GRM7: variants seen among roughly 807,000 people sequenced by gnomAD.
GRM7 encodes glutamate metabotropic receptor 7.
A neutral mutation model predicts 84.5 loss-of-function variants in GRM7; 35 were observed. That is an observed-to-expected ratio of 0.41 (90% CI 0.32 to 0.55). The LOEUF (loss-of-function observed/expected upper bound fraction) is 0.55, where lower values mean the gene tolerates loss of function less well. Among genes scored for constraint, GRM7 ranks in the 20% least tolerant of loss-of-function variants. GRM7 has a pLI of 0.19. For missense variants in GRM7, 1,003 were observed against 1,194.6 expected (o/e 0.84, Z 2.36); for synonymous variants, 487 against 455.1 (o/e 1.07, Z -0.89).
chr3:7,518,283 A>T (rs1227716113), intron 7 of GRM7, among the ~76,000 whole-genome samples: 1 of 152,210 alleles, frequency 6.6e-6, no homozygotes, highest in African/African-American at 2.4e-5. Context: ...TGATAATGGA[A>T]GTTCTGCAAA....
intron 5 of GRM7, among the ~76,000 whole-genome samples, chr3:7,434,451 A>G (rs1189009543): frequency 1.3e-5 from 2 of 152,204 alleles, no homozygotes; most frequent in African/African-American, 2.4e-5. Context: ...CTTTCTGTAT[A>G]ATGTTGAAGG....
Position 6,971,884 on chromosome 3 carries a change from A to G in GRM7, c.519+109977A>G, listed in dbSNP as rs1369633396. On this transcript the variant is annotated intron_variant, in intron 1 of 9. Transcript: ENST00000357716. ...TGGTTGTTTTATTAAAACTAAAAGTAAAGCTTAGAAATAAATATGACTTTT... is the reference window on the plus strand; with the variant it reads ...TGGTTGTTTTATTAAAACTAAAAGTGAAGCTTAGAAATAAATATGACTTTT... 4.6e-5 allele frequency among the ~76,000 whole-genome samples: 7 copies of G among 152,352 alleles called. No homozygotes were observed. In the East Asian group the frequency reaches 9.6e-4, roughly 21 times the overall value.
intron 7 of GRM7, among the ~76,000 whole-genome samples, chr3:7,499,906 C>G (rs1699829377): frequency 6.6e-6 from 1 of 152,064 alleles, no homozygotes; most frequent in Admixed American, 6.6e-5. Context: ...TCCCAAATAG[C>G]TGGGACTACA....
Position 7,465,556 on chromosome 3 carries a change from C to T in GRM7, c.1515+3834C>T, listed in dbSNP as rs117000148. The stretch of plus-strand genomic sequence containing the variant: ...CCAACATCATCCTGCCCTTGAAGTT[C>T]CTTTTGCTGTAATTATTCTATTAAA... On this transcript the variant is annotated intron_variant, in intron 7 of 9. Transcript: ENST00000357716. 1.1e-3 allele frequency among the ~76,000 whole-genome samples: 161 copies of T among 152,220 alleles called. 2 individuals carry two copies. Among genetic ancestry groups the T allele is most frequent in the East Asian group, 7.1e-3 (37 of 5,176 alleles).
At chr3:7,259,953 G>GTTTTTTGTTTTTTTTTTTT (rs1553638865) in intron 2 of GRM7, among the ~76,000 whole-genome samples, 1 of 89,668 alleles carries the variant, frequency 1.1e-5, no homozygotes, top group African/African-American at 5.9e-5. Context: ...ACCAGCATCT[G>GTTTTTTGTTTTTTTTTTTT]TTTTTTTTTT....
intron 8 of GRM7, chr3:7,636,324 A>G (rs1364176680): frequency 2.2e-5 from 10 of 456,328 alleles, no homozygotes; most frequent in East Asian, 7.0e-5. Flanking sequence ...ATCCTCCCCG[A>G]CCGGACTAAA....
At chr3:6,924,908 T>A (rs1225924517) in intron 1 of GRM7, among the ~76,000 whole-genome samples, 2 of 152,140 alleles carry the variant, frequency 1.3e-5, no homozygotes, top group Non-Finnish European at 2.9e-5. Flanking sequence ...AAGCCTGTGA[T>A]TCTTTTGGGA....
chr3:7,332,319 T>G (rs1483768046), intron 4 of GRM7, among the ~76,000 whole-genome samples: 1 of 152,182 alleles, frequency 6.6e-6, no homozygotes. Context: ...GAAATAGAAC[T>G]AAGATCATAT....
intron 1 of GRM7, among the ~76,000 whole-genome samples, chr3:7,122,721 G>A (rs1693265906): frequency 6.6e-6 from 1 of 152,134 alleles, no homozygotes. Flanking sequence ...GTTGAAAATA[G>A]GAAAAGAACA....
chr3:7,560,123 T>C (rs1441068813), intron 7 of GRM7, among the ~76,000 whole-genome samples: 1 of 151,910 alleles, frequency 6.6e-6, no homozygotes, highest in Non-Finnish European at 1.5e-5. Flanking sequence ...AATTACAGAG[T>C]TTCAGATAAT....
intron 2 of GRM7, among the ~76,000 whole-genome samples, chr3:7,268,011 G>A (rs1003861763): frequency 6.6e-6 from 1 of 152,116 alleles, no homozygotes; most frequent in Non-Finnish European, 1.5e-5. Context: ...ACTGGTCACA[G>A]TAGAGAGAAC....
intron 1 of GRM7, among the ~76,000 whole-genome samples, chr3:7,076,614 A>T: frequency 6.6e-6 from 1 of 152,106 alleles, no homozygotes; most frequent in Non-Finnish European, 1.5e-5. Context: ...GGGTATCCTT[A>T]TAGCACTGTG....
At chr3:6,995,305 C>A (rs1050515391) in intron 1 of GRM7, among the ~76,000 whole-genome samples, 2 of 152,148 alleles carry the variant, frequency 1.3e-5, no homozygotes, top group Non-Finnish European at 2.9e-5. Flanking sequence ...GTCATTTTAG[C>A]TAGGGTAGCA....
chr3:7,405,992 A>G (rs1172112098), intron 4 of GRM7, among the ~76,000 whole-genome samples: 3 of 151,748 alleles, frequency 2.0e-5, no homozygotes, highest in African/African-American at 7.3e-5. Context: ...TATAATGGTA[A>G]TACTATCAAA....
chr3:7,299,974 A>ATT (rs1699941671), intron 3 of GRM7, among the ~76,000 whole-genome samples: 1 of 151,600 alleles, frequency 6.6e-6, no homozygotes, highest in Non-Finnish European at 1.5e-5. Flanking sequence ...AAAACATAAC[A>ATT]TGCAAATATA....
intron 2 of GRM7, among the ~76,000 whole-genome samples, chr3:7,219,962 T>C (rs550926739): frequency 6.6e-6 from 1 of 152,212 alleles, no homozygotes; most frequent in African/African-American, 2.4e-5. Flanking sequence ...CTAAAGGTTC[T>C]TAATGTCCAA....
At chr3:6,953,758 G>T (rs74815322) in intron 1 of GRM7, among the ~76,000 whole-genome samples, 13,999 of 152,200 alleles carry the variant, frequency 0.092, 667 homozygotes, top group Middle Eastern at 0.11. Context: ...AAGTAGACCT[G>T]CTTGGCTCCC....
At chr3:7,202,766 C>T (rs1456457944) in intron 2 of GRM7, among the ~76,000 whole-genome samples, 1 of 152,140 alleles carries the variant, frequency 6.6e-6, no homozygotes, top group Admixed American at 6.5e-5. Flanking sequence ...GCCAAAATCT[C>T]CAGGGAAGGG....
intron 8 of GRM7, among the ~76,000 whole-genome samples, chr3:7,606,595 G>A (rs1466029535): frequency 6.6e-5 from 10 of 152,110 alleles, no homozygotes; most frequent in South Asian, 2.1e-4. Flanking sequence ...GTGCAGTGGC[G>A]CAATCTCGGC....
Sources: gnomAD v4.1 joint callset for allele counts (sites outside exome capture counted in the v4.1 genomes callset) on GRCh38, gnomAD v4.1.1 for gene constraint, MANE v1.5 for transcripts, NCBI Gene and HGNC (gene_info 2026-07-23, HGNC 2026-07-21) for gene names.